Variants in HTR3B observed in about 807,000 individuals in gnomAD.
HTR3B encodes 5-hydroxytryptamine (serotonin) receptor 3B, ionotropic.
Under a neutral mutation model 42.8 loss-of-function variants are expected in HTR3B, and 44 were observed. That is an observed-to-expected ratio of 1.03 (90% CI 0.81 to 1.32). The LOEUF is 1.32. Ranked by LOEUF, HTR3B falls within the 40% of genes most tolerant of loss-of-function variation. The pLI, the probability that HTR3B is intolerant of heterozygous loss-of-function variation, is 0.00. For missense variants in HTR3B, 527 were observed against 536.5 expected (o/e 0.98, Z 0.17); for synonymous variants, 203 against 209.0 (o/e 0.97, Z 0.25).
chr11:113,906,459 A>G (rs1335446708), intron 1 of HTR3B, among the ~76,000 whole-genome samples: 1 of 152,198 alleles, frequency 6.6e-6, no homozygotes, highest in Admixed American at 6.5e-5. Context: ...GATATTCATG[A>G]CAATCAGATA....
At chr11:113,936,034 G>A (rs1305017651) in intron 6 of HTR3B, among the ~76,000 whole-genome samples, 1 of 152,126 alleles carries the variant, frequency 6.6e-6, no homozygotes, top group Non-Finnish European at 1.5e-5. Context: ...TCCACAGGGG[G>A]CCCAGAGCAT....
chr11:113,922,361 G>A (rs958458896), intron 2 of HTR3B, among the ~76,000 whole-genome samples: 1 of 151,558 alleles, frequency 6.6e-6, no homozygotes, highest in African/African-American at 2.4e-5. Context: ...AGCCTCCCAA[G>A]TAGCTGGTAC....
chr11:113,899,116 T>C, the HTR3B span, among the ~76,000 whole-genome samples: 3 of 152,122 alleles, frequency 2.0e-5, no homozygotes, highest in Non-Finnish European at 4.4e-5. Context: ...GGACCTTATA[T>C]CTTATGCTCT....
Position 113,933,048 on chromosome 11 carries a change from C to T in HTR3B, c.651C>T (p.Ser217=). 1 of 1,614,166 alleles carries T rather than the reference C, an allele frequency of 6.2e-7. No individual in the cohort carries two copies. Among genetic ancestry groups the T allele is most frequent in the Non-Finnish European group, 8.5e-7 (1 of 1,180,014 alleles). The change falls in exon 6 of 9, where the codon AGC becomes AGT. Residue 217 remains serine, a synonymous_variant. Coordinates refer to ENST00000260191, the MANE Select transcript of HTR3B (RefSeq NM_006028.5). ...TTCTATCTGTGTCCTCCACATACAG[C>T]ATCCTGCAGAGCAGCGCTGGAGGAT... ...WELLSVSSTY[S]ILQSSAGGFA...
chr11:113,904,945 T>G lies in HTR3B; in HGVS notation c.12T>G (p.Ser4Arg). 1 of 1,613,872 alleles carries G rather than the reference T, an allele frequency of 6.2e-7. No individual in the cohort carries two copies. The highest frequency in any genetic ancestry group is 8.5e-7 in the Non-Finnish European group (1 of 1,179,760). The change falls in exon 1 of 9, where the codon AGT becomes AGG. Residue 4 changes from serine (S) to arginine (R), a missense_variant. Physicochemically the swap from Ser to Arg is moderately radical, Grantham distance 110. Transcript: ENST00000260191. ...GGATCTGCCCAGGAATGTTGTCAAG[T>G]GTAATGGCTCCCCTGTGGGCCTGCA... MLS[S>R]VMAPLWACIL...
chr11:113,927,479 G>C (rs116101695), intron 2 of HTR3B, among the ~76,000 whole-genome samples: 1,559 of 152,022 alleles, frequency 0.01, 33 homozygotes, highest in African/African-American at 0.035. Context: ...AGCAACCATC[G>C]CTGCTAATTT....
At chr11:113,919,334 A>C (rs1346144643) in intron 2 of HTR3B, among the ~76,000 whole-genome samples, 1 of 152,186 alleles carries the variant, frequency 6.6e-6, no homozygotes, top group Non-Finnish European at 1.5e-5. Flanking sequence ...TTACATTTAC[A>C]TACAAAATAT....
At chr11:113,911,687 C>T (rs984310778) in intron 2 of HTR3B, among the ~76,000 whole-genome samples, 52 of 151,380 alleles carry the variant, frequency 3.4e-4, no homozygotes, top group African/African-American at 1.1e-3. Flanking sequence ...CCACCACACT[C>T]GGCTTATTTT....
chr11:113,916,761 T>G (rs1302745813), intron 2 of HTR3B, among the ~76,000 whole-genome samples: 1 of 152,244 alleles, frequency 6.6e-6, no homozygotes. Flanking sequence ...TACATTTGGT[T>G]AAATTTATTC....
chr11:113,916,741 G>A (rs1453255579), intron 2 of HTR3B, among the ~76,000 whole-genome samples: 1 of 151,922 alleles, frequency 6.6e-6, no homozygotes, highest in Non-Finnish European at 1.5e-5. Flanking sequence ...ATCATTTTTA[G>A]CGTTTTGCAT....
intron 2 of HTR3B, among the ~76,000 whole-genome samples, chr11:113,911,368 T>G (rs1426546071): frequency 6.6e-6 from 1 of 151,334 alleles, no homozygotes; most frequent in Non-Finnish European, 1.5e-5. Context: ...GTAGCTGGGA[T>G]TACAGGCATG....
At position 113,948,945 on chromosome 11, in the gene HTR3B, A is replaced by C. The variant is rs563160158; in HGVS notation, c.*2808A>C. On this transcript the variant is annotated 3_prime_UTR_variant, in exon 9 of 9. Coordinates refer to ENST00000260191, the MANE Select transcript of HTR3B (RefSeq NM_006028.5). ...TATACCTAATGTTAATGGGTGCAGC[A>C]CAGCAACGTGGCACGTGTATACATA... Among the ~76,000 whole-genome samples the C allele has an allele frequency of 6.6e-6, 1 of 152,346 alleles. No homozygotes were observed. The highest frequency in any genetic ancestry group is 2.4e-5 in the African/African-American group (1 of 41,588).
At chr11:113,911,194 G>A (rs1949789216) in intron 2 of HTR3B, among the ~76,000 whole-genome samples, 2 of 151,920 alleles carry the variant, frequency 1.3e-5, no homozygotes, top group South Asian at 4.2e-4. Flanking sequence ...TGTACAAGCT[G>A]ATGAATGTTG....
chr11:113,908,186 C>A (rs928679524), intron 1 of HTR3B, among the ~76,000 whole-genome samples: 2 of 152,160 alleles, frequency 1.3e-5, no homozygotes, highest in Non-Finnish European at 2.9e-5. Flanking sequence ...TTGTTGTTAG[C>A]GTTTTGGTCA....
At chr11:113,900,021 C>G (rs1414722430), upstream of HTR3B, among the ~76,000 whole-genome samples, 2 of 152,112 alleles carry the variant, frequency 1.3e-5, no homozygotes, top group Non-Finnish European at 2.9e-5. Context: ...AATCTTAAAA[C>G]TTTGGGAGGC....
At chr11:113,925,906 A>G (rs1299644190) in intron 2 of HTR3B, among the ~76,000 whole-genome samples, 1 of 152,192 alleles carries the variant, frequency 6.6e-6, no homozygotes, top group Non-Finnish European at 1.5e-5. Flanking sequence ...CACCAATTTA[A>G]AGTATACAAT....
chr11:113,941,055 G>T (rs1031465042), intron 6 of HTR3B, among the ~76,000 whole-genome samples: 3 of 152,156 alleles, frequency 2.0e-5, no homozygotes, highest in African/African-American at 4.8e-5. Context: ...ATAAAGTAGA[G>T]GCTATTACCT....
intron 7 of HTR3B, 142 bp downstream of exon 7, chr11:113,943,334 C>T: frequency 2.9e-6 from 2 of 697,748 alleles, no homozygotes; most frequent in Non-Finnish European, 5.1e-6. Flanking sequence ...CTCAGGAGTT[C>T]AAGACCAGCC....
Position 113,946,341 on chromosome 11 carries a change from T to TAAAC in HTR3B, c.*207_*208insCAAA, listed in dbSNP as rs552508176. On this transcript the variant is annotated 3_prime_UTR_variant, in exon 9 of 9. Coordinates refer to ENST00000260191, the MANE Select transcript of HTR3B (RefSeq NM_006028.5). ...CATAGTGAGACCACATCTCTACCAG[T>TAAAC]AAATAAATAAATAAATAAATAAATA... 816 of 48,524 alleles carry TAAAC rather than the reference T, an allele frequency of 0.017. 10 individuals carry two copies. The highest frequency in any genetic ancestry group is 0.052 in the African/African-American group (763 of 14,646). 3.0% of individuals were successfully genotyped at this position (48,524 alleles called of 1,614,324 possible).
Sources: allele counts gnomAD v4.1 joint callset (sites outside exome capture counted in the v4.1 genomes callset), GRCh38; gene constraint gnomAD v4.1.1; transcripts MANE v1.5; gene names NCBI Gene and HGNC (gene_info 2026-07-23, HGNC 2026-07-21).